ZNF618: variants seen among roughly 807,000 people sequenced by gnomAD.
ZNF618 encodes neural precursor cell expressed, developmentally down-regulated 10.
ZNF618 carries 34 observed loss-of-function variants against 103.0 expected under a neutral mutation model. The ratio of observed to expected loss-of-function variants is 0.33; its 90% CI spans 0.25 to 0.44. The LOEUF (loss-of-function observed/expected upper bound fraction) is 0.44. Among genes scored for constraint, ZNF618 ranks in the 20% least tolerant of loss-of-function variants. The probability of loss-of-function intolerance (pLI) is 1.00; values close to 1 mark genes in which losing one functional copy is unlikely to be tolerated. For synonymous variants in ZNF618, 551 were observed against 542.2 expected (o/e 1.02, Z -0.23); for missense variants, 1,059 against 1,295.4 (o/e 0.82, Z 2.80).
intron 13 of ZNF618, 136 bp from the exon 14 acceptor site, chr9:114,047,757 G>C: frequency 3.1e-6 from 2 of 652,794 alleles, no homozygotes; most frequent in Non-Finnish European, 5.4e-6. Flanking sequence ...TGTCTAAGGA[G>C]GAGCCAGGAT....
intron 13 of ZNF618, among the ~76,000 whole-genome samples, chr9:114,037,624 CTGTTAT>C (rs551199896): frequency 1.3e-5 from 2 of 152,266 alleles, no homozygotes; most frequent in South Asian, 2.1e-4. Flanking sequence ...GTTATTTCAC[CTGTTAT>C]TGTTATTGTA....
intron 1 of ZNF618, among the ~76,000 whole-genome samples, chr9:113,886,795 T>A (rs1231049685): frequency 2.0e-5 from 3 of 152,042 alleles, no homozygotes; most frequent in Non-Finnish European, 2.9e-5. Flanking sequence ...TGCATGTAGC[T>A]AGGAGTAGTT....
At chr9:114,044,557 G>GT (rs1464239851) in intron 13 of ZNF618, among the ~76,000 whole-genome samples, 3 of 152,008 alleles carry the variant, frequency 2.0e-5, no homozygotes, top group African/African-American at 7.2e-5. Context: ...TTTTAGGATT[G>GT]TTTTTTCTAG....
intron 10 of ZNF618, among the ~76,000 whole-genome samples, chr9:114,019,214 T>C (rs1204983595): frequency 3.9e-5 from 6 of 152,268 alleles, no homozygotes; most frequent in Non-Finnish European, 1.5e-5. Context: ...AGCAATGTTC[T>C]ATTGTATGAA....
chr9:113,919,632 C>T lies in ZNF618; in HGVS notation c.33+43219C>T, dbSNP rs540939184. Among the ~76,000 whole-genome samples, 901 of 152,304 alleles carry T rather than the reference C, an allele frequency of 5.9e-3. 6 individuals carry two copies. The highest frequency in any genetic ancestry group is 0.019 in the African/African-American group (807 of 41,574). ...GGCTGCTGCTGGTGTCCTCCAACGG[C>T]GGGGCCAGCCCTCTCCGTGAGGAGG... On this transcript the variant is annotated intron_variant, in intron 1 of 14. Transcript: ENST00000374126.
intron 10 of ZNF618, among the ~76,000 whole-genome samples, chr9:114,026,595 G>A (rs1237427436): frequency 1.3e-5 from 2 of 152,242 alleles, no homozygotes; most frequent in Admixed American, 1.3e-4. Context: ...ACGGCCTTGT[G>A]CCAAAGGCCT....
intron 1 of ZNF618, among the ~76,000 whole-genome samples, chr9:113,962,081 C>T (rs1242645499): frequency 1.3e-5 from 2 of 152,172 alleles, no homozygotes; most frequent in African/African-American, 4.8e-5. Context: ...ATATTTAAAC[C>T]ACAGTGTTTT....
rs531908821 is a variant in ZNF618, at chr9:113,997,714, A to G, written c.338-545A>G. Among the ~76,000 whole-genome samples, 11 of 152,360 alleles carry G rather than the reference A, an allele frequency of 7.2e-5. 1 individual carries two copies. The South Asian group carries it at 2.3e-3, about 32-fold the overall frequency. The stretch of plus-strand genomic sequence containing the variant: ...AGGTCAGTCTGCATGGAAACATTGC[A>G]GATGAAGTGAGCCCAGACAGGTGGT... On this transcript the variant is annotated intron_variant, in intron 3 of 14. Coordinates refer to ENST00000374126, the MANE Select transcript of ZNF618 (RefSeq NM_001318042.2).
At chr9:113,923,789 C>G (rs1832849471) in intron 1 of ZNF618, among the ~76,000 whole-genome samples, 1 of 152,026 alleles carries the variant, frequency 6.6e-6, no homozygotes, top group African/African-American at 2.4e-5. Flanking sequence ...TTGAGTATCC[C>G]TTATCTGAAA....
rs78609338 is a variant in ZNF618 at position 113,988,050 on chromosome 9, C to T, written c.78-271C>T. On this transcript the variant is annotated intron_variant, in intron 2 of 14. Coordinates refer to ENST00000374126, the MANE Select transcript of ZNF618 (RefSeq NM_001318042.2). ...AGTGAGGCAACTGGGCACATCTAGA[C>T]CTCTTGAGACCTCAGCTTCCCCAAC... Among the ~76,000 whole-genome samples, 219 of 152,322 alleles carry T rather than the reference C, an allele frequency of 1.4e-3. 1 individual carries two copies. The South Asian group carries it at 0.019, about 14-fold the overall frequency.
rs144831041 is a variant in ZNF618 at position 113,988,594 on chromosome 9, G to A, written c.337+14G>A. The A allele has an allele frequency of 1.4e-4, 227 of 1,597,320 alleles. 5 individuals carry two copies. The Middle Eastern group carries it at 1.7e-3, about 12-fold the overall frequency. On this transcript the variant is annotated intron_variant, in intron 3 of 14. Transcript: ENST00000374126. ...AGCAGACCCTTGGTGAGTGCCCAGC[G>A]TCTGTGGTCAGGGTGGAGACCAGGG...
intron 1 of ZNF618, among the ~76,000 whole-genome samples, chr9:113,881,463 CATA>C (rs1828507729): frequency 1.3e-5 from 2 of 152,262 alleles, no homozygotes; most frequent in South Asian, 2.1e-4. Context: ...TCAGTATATC[CATA>C]ATACTATCCT....
intron 3 of ZNF618, among the ~76,000 whole-genome samples, chr9:113,997,464 TGACC>T (rs1259827549): frequency 2.0e-5 from 3 of 152,230 alleles, no homozygotes; most frequent in African/African-American, 7.2e-5. Flanking sequence ...AAATCAGATC[TGACC>T]GACCTCTGGT....
intron 10 of ZNF618, among the ~76,000 whole-genome samples, chr9:114,026,830 C>T (rs949463372): frequency 1.3e-5 from 2 of 152,056 alleles, no homozygotes; most frequent in Admixed American, 6.5e-5. Context: ...GTGAGACTTG[C>T]TATGTGGAGA....
chr9:113,893,274 C>T (rs1829768862), intron 1 of ZNF618, among the ~76,000 whole-genome samples: 1 of 152,192 alleles, frequency 6.6e-6, no homozygotes, highest in Non-Finnish European at 1.5e-5. Flanking sequence ...ATGGACGTGC[C>T]AGTATCTTTC....
intron 1 of ZNF618, among the ~76,000 whole-genome samples, chr9:113,911,214 T>C (rs58279307): frequency 1.3e-3 from 191 of 152,346 alleles, no homozygotes; most frequent in African/African-American, 4.4e-3. Flanking sequence ...AAATAGCAAG[T>C]GCTCTTTATA....
At chr9:113,999,573 G>C (rs1840977726) in intron 4 of ZNF618, among the ~76,000 whole-genome samples, 1 of 152,202 alleles carries the variant, frequency 6.6e-6, no homozygotes, top group South Asian at 2.1e-4. Flanking sequence ...TGCAGGCAAG[G>C]CTGCATGTGC....
chr9:113,970,432 C>G (rs558141772), intron 2 of ZNF618, among the ~76,000 whole-genome samples: 2 of 152,106 alleles, frequency 1.3e-5, no homozygotes, highest in Admixed American at 1.3e-4. Flanking sequence ...CTCTGTAACC[C>G]AGAGACCTGT....
chr9:113,998,395 T>C, intron 4 of ZNF618, 41 bp downstream of exon 4: 1 of 1,516,458 alleles, frequency 6.6e-7, no homozygotes, highest in Non-Finnish European at 9.0e-7. Context: ...CCGGGGCCAG[T>C]ATGGGTGGGG....
Sources: gnomAD v4.1 joint callset for allele counts (sites outside exome capture counted in the v4.1 genomes callset) on GRCh38, gnomAD v4.1.1 for gene constraint, MANE v1.5 for transcripts, NCBI Gene and HGNC (gene_info 2026-07-23, HGNC 2026-07-21) for gene names.